Variants in PEX5L observed in about 807,000 individuals in gnomAD.
The protein encoded by PEX5L is peroxisomal biogenesis factor 5 like, also known as PEX5-related protein.
Under a neutral mutation model 84.0 loss-of-function variants are expected in PEX5L, and 30 were observed. The observed-to-expected ratio is 0.36, with a 90% CI of 0.27 to 0.48. The LOEUF (loss-of-function observed/expected upper bound fraction) is 0.48. PEX5L is among the 20% of genes least tolerant of loss of function. The pLI is 0.99. For missense variants in PEX5L, 533 were observed against 754.6 expected (o/e 0.71, Z 3.44); for synonymous variants, 270 against 283.1 (o/e 0.95, Z 0.46).
Position 179,795,557 on chromosome 3 carries a change from C to T in PEX5L, c.*6271G>A, listed in dbSNP as rs547501256. The T allele has an allele frequency of 1.3e-5, 2 of 151,930 alleles. No individual in the cohort carries two copies. Among genetic ancestry groups the T allele is most frequent in the Admixed American group, 1.3e-4 (2 of 15,292 alleles). 9.4% of individuals were successfully genotyped at this position (151,930 alleles called of 1,614,324 possible). On this transcript the variant is annotated 3_prime_UTR_variant, in exon 15 of 15. Coordinates refer to ENST00000467460, the MANE Select transcript of PEX5L (RefSeq NM_016559.3). ...ACAGTATCACATAATATGCCAATCA[C>T]TTTAAAATCCCCTCCCCCCCATTGC...
At chr3:179,937,703 A>T (rs1183414151) in intron 2 of PEX5L, among the ~76,000 whole-genome samples, 1 of 152,116 alleles carries the variant, frequency 6.6e-6, no homozygotes, top group African/African-American at 2.4e-5. Flanking sequence ...GAATGTCCTA[A>T]TTTTTTCTGA....
intron 2 of PEX5L, among the ~76,000 whole-genome samples, chr3:179,936,196 G>A (rs957506721): frequency 2.6e-5 from 4 of 152,088 alleles, no homozygotes; most frequent in African/African-American, 9.7e-5. Flanking sequence ...TGGTGGAGTT[G>A]AGCCAAATGA....
At chr3:180,005,279 T>C (rs1788778375) in intron 1 of PEX5L, among the ~76,000 whole-genome samples, 1 of 152,108 alleles carries the variant, frequency 6.6e-6, no homozygotes, top group Non-Finnish European at 1.5e-5. Context: ...TGTTTGTTTT[T>C]AGAGATAGGG....
intron 2 of PEX5L, among the ~76,000 whole-genome samples, chr3:179,951,116 C>T (rs1477412540): frequency 2.0e-5 from 3 of 152,182 alleles, no homozygotes; most frequent in Admixed American, 6.5e-5. Context: ...CTTCCTCTCC[C>T]TCCCACCTCA....
intron 8 of PEX5L, among the ~76,000 whole-genome samples, chr3:179,823,137 C>G (rs1729103848): frequency 6.6e-6 from 1 of 152,146 alleles, no homozygotes. Context: ...AAACAAAAAT[C>G]ACGCACAATC....
intron 8 of PEX5L, among the ~76,000 whole-genome samples, chr3:179,849,714 T>A (rs1185837746): frequency 6.6e-6 from 1 of 152,220 alleles, no homozygotes; most frequent in Non-Finnish European, 1.5e-5. Context: ...CACAGAATAG[T>A]CTGTAACTCC....
Position 179,862,190 on chromosome 3 carries a change from C to T in PEX5L, c.727-3033G>A, listed in dbSNP as rs143767787. On this transcript the variant is annotated intron_variant, in intron 7 of 14. Coordinates refer to ENST00000467460, the MANE Select transcript of PEX5L (RefSeq NM_016559.3). ...TGCCTCCTCTTCTCTCTCAAAACTCCGTCTGCCTTACTCTTATTAGGTACA... is the reference window on the plus strand; with the variant it reads ...TGCCTCCTCTTCTCTCTCAAAACTCTGTCTGCCTTACTCTTATTAGGTACA... Among the ~76,000 whole-genome samples the T allele has an allele frequency of 3.3e-4, 51 of 152,274 alleles. 2 individuals carry two copies. Among genetic ancestry groups the T allele is most frequent in the African/African-American group, 1.2e-3 (48 of 41,540 alleles).
At chr3:179,877,581 C>T (rs1041829365) in intron 5 of PEX5L, among the ~76,000 whole-genome samples, 1 of 151,664 alleles carries the variant, frequency 6.6e-6, no homozygotes, top group Non-Finnish European at 1.5e-5. Context: ...GCCTCAGCCT[C>T]CCAAGTAGCT....
At chr3:180,026,319 T>C (rs1790954168) in intron 1 of PEX5L, among the ~76,000 whole-genome samples, 1 of 152,042 alleles carries the variant, frequency 6.6e-6, no homozygotes, top group Admixed American at 6.6e-5. Flanking sequence ...TAAGAAGACT[T>C]TCTTTTTGTC....
At chr3:179,920,914 A>C (rs1769147808) in intron 2 of PEX5L, among the ~76,000 whole-genome samples, 1 of 152,208 alleles carries the variant, frequency 6.6e-6, no homozygotes, top group Non-Finnish European at 1.5e-5. Context: ...ACACAGTATA[A>C]TATATACACA....
At chr3:179,841,205 GCTT>G (rs1177205800) in intron 8 of PEX5L, among the ~76,000 whole-genome samples, 92 of 152,250 alleles carry the variant, frequency 6.0e-4, no homozygotes, top group Non-Finnish European at 1.0e-3. Flanking sequence ...TCCTCTGCCT[GCTT>G]CTTCAGCTGA....
chr3:179,993,749 C>T lies in PEX5L; in HGVS notation c.22-22084G>A, dbSNP rs545842830. Reference sequence around the variant, plus strand: ...AACTCCTGAGCTCAAGTGATCTGCCCGCCTCGACCTCCCAAAGTGCTGGAA... The same window carrying T: ...AACTCCTGAGCTCAAGTGATCTGCCTGCCTCGACCTCCCAAAGTGCTGGAA... On this transcript the variant is annotated intron_variant, in intron 1 of 14. Coordinates refer to ENST00000467460, the MANE Select transcript of PEX5L (RefSeq NM_016559.3). 1.4e-4 allele frequency among the ~76,000 whole-genome samples: 21 copies of T among 152,140 alleles called. No individual in the cohort carries two copies. In the South Asian group the frequency reaches 2.3e-3, roughly 17 times the overall value.
chr3:180,013,963 G>C (rs1007131359), intron 1 of PEX5L, among the ~76,000 whole-genome samples: 1 of 151,992 alleles, frequency 6.6e-6, no homozygotes, highest in Non-Finnish European at 1.5e-5. Context: ...TAGCATGTCT[G>C]TTTGTCATAT....
chr3:179,959,697 G>C (rs1781537140), intron 2 of PEX5L, among the ~76,000 whole-genome samples: 1 of 151,842 alleles, frequency 6.6e-6, no homozygotes, highest in Non-Finnish European at 1.5e-5. Context: ...CTCAGGATCA[G>C]TATCAAAAAA....
In PEX5L at chr3:179,882,459, G is replaced by A. The variant is rs973633397; in HGVS notation, c.311-2336C>T. 2.6e-5 allele frequency among the ~76,000 whole-genome samples: 4 copies of A among 152,132 alleles called. No individual in the cohort carries two copies. In the South Asian group the frequency reaches 8.3e-4, roughly 32 times the overall value. Reference sequence around the variant, plus strand: ...TCTTGCAAATGTGAAACAAATGCTTGGCACACACAGAAAGCCTAATTGGTT... The same window carrying A: ...TCTTGCAAATGTGAAACAAATGCTTAGCACACACAGAAAGCCTAATTGGTT... On this transcript the variant is annotated intron_variant, in intron 4 of 14. Transcript: ENST00000467460.
intron 1 of PEX5L, among the ~76,000 whole-genome samples, chr3:179,975,677 T>C (rs1467722368): frequency 6.6e-6 from 1 of 152,234 alleles, no homozygotes; most frequent in African/African-American, 2.4e-5. Flanking sequence ...ACCTTCTTAC[T>C]GTTTTCTTCA....
Position 180,036,650 on chromosome 3 carries a change from C to T in PEX5L, c.-51G>A, listed in dbSNP as rs757318119. The T allele has an allele frequency of 1.1e-5, 18 of 1,607,722 alleles. No homozygotes were observed. The highest frequency in any genetic ancestry group is 3.3e-5 in the Admixed American group (2 of 60,008). On this transcript the variant is annotated 5_prime_UTR_variant, in exon 1 of 15. Coordinates refer to ENST00000467460, the MANE Select transcript of PEX5L (RefSeq NM_016559.3). ...CTGAGGCCACCGGATGCTTTTCCCC[C>T]GTGCTTACTTGCCCACCAAAAGAGG... is the stretch of plus-strand genomic sequence containing the variant.
chr3:180,034,848 CAG>C (rs898741435), intron 1 of PEX5L, among the ~76,000 whole-genome samples: 60 of 152,196 alleles, frequency 3.9e-4, no homozygotes, highest in African/African-American at 1.4e-3. Context: ...GGAGAATATG[CAG>C]AGTCTTATAT....
intron 8 of PEX5L, among the ~76,000 whole-genome samples, chr3:179,827,027 C>T (rs940229698): frequency 4.6e-5 from 7 of 152,186 alleles, no homozygotes; most frequent in African/African-American, 1.7e-4. Context: ...CAGTCTCACA[C>T]TATCATTGGT....
Sources: allele counts gnomAD v4.1 joint callset (sites outside exome capture counted in the v4.1 genomes callset), GRCh38; gene constraint gnomAD v4.1.1; transcripts MANE v1.5; gene names NCBI Gene and HGNC (gene_info 2026-07-23, HGNC 2026-07-21).